ZNF724: variants seen among roughly 807,000 people sequenced by gnomAD.
The protein encoded by ZNF724 is zinc finger protein 724 pseudogene.
ZNF724 carries 14 observed loss-of-function variants against 29.3 expected under a neutral mutation model. The observed-to-expected ratio is 0.48, with a 90% CI of 0.32 to 0.75. The LOEUF is 0.75. ZNF724 is among the 30% of genes least tolerant of loss of function. The pLI is 0.04. For missense variants in ZNF724, 557 were observed against 571.2 expected, an observed-to-expected ratio of 0.98 and a Z score of 0.25; for synonymous variants, 180 against 193.6, an observed-to-expected ratio of 0.93 and a Z score of 0.58.
Position 23,223,572 on chromosome 19 carries a change from GTT to G in ZNF724, c.671_672del (p.Lys224ThrfsTer5). ...ATGCCACATTCTTCACATTTGTAGT[GTT>G]TTTGTCCTGTATGAATTCTCTTATG... ...SQHKRIHTGQ[K>X]HYKCEECGIA... On this transcript the variant is annotated frameshift_variant, in exon 4 of 4. Transcript: ENST00000418100. LOFTEE classifies it low-confidence loss of function (END_TRUNC). 1 of 723,182 alleles carries G rather than the reference GTT, an allele frequency of 1.4e-6. No individual in the cohort carries two copies. The highest frequency in any genetic ancestry group is 1.5e-5 in the South Asian group (1 of 68,708). The allele number at this position is 723,182 out of a possible 1,614,324, so 44.8% of individuals were successfully genotyped here. A position where few individuals can be genotyped will look rare whatever the true frequency, so the allele number is the denominator to read the frequency against.
intron 1 of ZNF724, among the ~76,000 whole-genome samples, chr19:23,247,902 A>G (rs1308867247): frequency 1.3e-5 from 2 of 152,216 alleles, no homozygotes; most frequent in African/African-American, 2.4e-5. Context: ...TTGAGAGGCT[A>G]CACTCCATAC....
chr19:23,240,993 A>G (rs1257863200), intron 1 of ZNF724, among the ~76,000 whole-genome samples: 1 of 152,070 alleles, frequency 6.6e-6, no homozygotes, highest in African/African-American at 2.4e-5. Flanking sequence ...AGATCACGCC[A>G]GTGCACTCCA....
At chr19:23,226,757 A>T (rs1002690348) in intron 3 of ZNF724, among the ~76,000 whole-genome samples, 1 of 152,200 alleles carries the variant, frequency 6.6e-6, no homozygotes, top group Non-Finnish European at 1.5e-5. Flanking sequence ...AACCATAATT[A>T]GGGTCATATT....
At chr19:23,229,279 T>G (rs138476474) in intron 3 of ZNF724, among the ~76,000 whole-genome samples, 105 of 152,176 alleles carry the variant, frequency 6.9e-4, no homozygotes, top group Non-Finnish European at 1.1e-3. Context: ...CCCGTAACCA[T>G]CTCAAACTCC....
chr19:23,227,580 A>C (rs543698589), intron 3 of ZNF724, among the ~76,000 whole-genome samples: 174 of 149,458 alleles, frequency 1.2e-3, no homozygotes, highest in African/African-American at 4.0e-3. Context: ...ACAAAAAAAA[A>C]CAAGTTAAAT....
At chr19:23,226,251 CTG>C (rs1971824082) in intron 3 of ZNF724, among the ~76,000 whole-genome samples, 2 of 152,074 alleles carry the variant, frequency 1.3e-5, no homozygotes, top group Non-Finnish European at 2.9e-5. Context: ...CAAGGTTTCA[CTG>C]TGTTAGCCAC....
intron 1 of ZNF724, among the ~76,000 whole-genome samples, chr19:23,233,573 T>C (rs1035700506): frequency 6.6e-6 from 1 of 152,080 alleles, no homozygotes; most frequent in East Asian, 1.9e-4. Context: ...GGTGATAATT[T>C]TGCAAGGCAT....
chr19:23,243,039 CAAAAAAAA>C (rs762188669), intron 1 of ZNF724, among the ~76,000 whole-genome samples: 1 of 112,236 alleles, frequency 8.9e-6, no homozygotes, highest in African/African-American at 3.7e-5. Flanking sequence ...AACTCCATCT[CAAAAAAAA>C]AAAAAAAAAA....
chr19:23,242,293 T>C (rs1239852842), intron 1 of ZNF724, among the ~76,000 whole-genome samples: 1 of 152,086 alleles, frequency 6.6e-6, no homozygotes, highest in African/African-American at 2.4e-5. Context: ...AAAATGGCCA[T>C]ACTGACCAGG....
Position 23,222,457 on chromosome 19 carries a change from G to A in ZNF724, c.1788C>T (p.Gly596=). The A allele has an allele frequency of 1.5e-6, 2 of 1,290,912 alleles. No homozygotes were observed. Among genetic ancestry groups the A allele is most frequent in the Non-Finnish European group, 2.3e-6 (2 of 887,006 alleles). 80.0% of individuals were successfully genotyped at this position (1,290,912 alleles called of 1,614,324 possible). Residue 596 remains glycine (G), a synonymous_variant, in exon 4 of 4, where the codon GGC becomes GGT. Transcript: ENST00000418100. The part of the protein sequence containing the change: ...GEKPYKCKEC[G]KAFNQCSNLT... ...GGTTTGAGCATTGGTTAAAAGCTTT[G>A]CCACATTCTTTACATTTGTAGGGTT... is the stretch of plus-strand genomic sequence containing the variant.
At chr19:23,237,016 C>T (rs892083445) in intron 1 of ZNF724, among the ~76,000 whole-genome samples, 24 of 152,112 alleles carry the variant, frequency 1.6e-4, no homozygotes, top group Middle Eastern at 3.4e-3. Context: ...CCACCCCCCG[C>T]TAATTTTTGT....
At position 23,221,681 on chromosome 19, in the gene ZNF724, A is replaced by T. The variant is rs1971715917; in HGVS notation, c.*704T>A. 6.6e-6 allele frequency: 1 copy of T among 152,484 alleles called. No homozygotes were observed. The allele number at this position is 152,484 out of a possible 1,614,324, so 9.4% of individuals were successfully genotyped here. A position where few individuals can be genotyped will look rare whatever the true frequency, so the allele number is the denominator to read the frequency against. On this transcript the variant is annotated 3_prime_UTR_variant, in exon 4 of 4. Coordinates refer to ENST00000418100, the MANE Select transcript of ZNF724 (RefSeq NM_001355404.2). ...CTGCAACCTCTGCCTCCCAGGTTCA[A>T]GCGATTCTCCTGTCTCAACCACCGA... is the stretch of plus-strand genomic sequence containing the variant.
chr19:23,239,252 G>GA (rs1172760832), intron 1 of ZNF724, among the ~76,000 whole-genome samples: 2 of 142,754 alleles, frequency 1.4e-5, no homozygotes, highest in Admixed American at 1.4e-4. Context: ...CTGTCCAACT[G>GA]AAATCAACAT....
chr19:23,240,442 A>T (rs1972101102), intron 1 of ZNF724, among the ~76,000 whole-genome samples: 1 of 152,146 alleles, frequency 6.6e-6, no homozygotes, highest in Non-Finnish European at 1.5e-5. Context: ...AGACAGTTTT[A>T]AACAAAATTA....
chr19:23,240,350 C>G (rs1329685309), intron 1 of ZNF724, among the ~76,000 whole-genome samples: 1 of 151,328 alleles, frequency 6.6e-6, no homozygotes, highest in Non-Finnish European at 1.5e-5. Context: ...GCACTAAGGC[C>G]CAGAGTTTTG....
chr19:23,243,514 CAGAAAG>C (rs1303264705), intron 1 of ZNF724, among the ~76,000 whole-genome samples: 1 of 129,692 alleles, frequency 7.7e-6, no homozygotes, highest in Non-Finnish European at 1.6e-5. Context: ...TAAACTGATG[CAGAAAG>C]AGAAAAACAA....
intron 1 of ZNF724, among the ~76,000 whole-genome samples, chr19:23,248,835 A>G (rs1169073592): frequency 6.6e-6 from 1 of 152,014 alleles, no homozygotes; most frequent in Non-Finnish European, 1.5e-5. Flanking sequence ...TCTCTACTAA[A>G]AATACAAAAA....
chr19:23,237,913 A>G (rs1451327386), intron 1 of ZNF724, among the ~76,000 whole-genome samples: 3 of 152,106 alleles, frequency 2.0e-5, no homozygotes, highest in Admixed American at 2.0e-4. Context: ...AATATTGGAT[A>G]ATTACACTGG....
intron 1 of ZNF724, among the ~76,000 whole-genome samples, chr19:23,249,057 G>C (rs1319310430): frequency 6.6e-6 from 1 of 151,778 alleles, no homozygotes; most frequent in African/African-American, 2.4e-5. Flanking sequence ...AACAAACAAA[G>C]ACAGGAAGAC....
Sources: allele counts gnomAD v4.1 joint callset (sites outside exome capture counted in the v4.1 genomes callset), GRCh38; gene constraint gnomAD v4.1.1; transcripts MANE v1.5; gene names NCBI Gene and HGNC (gene_info 2026-07-23, HGNC 2026-07-21).